Variants in METTL5 observed in about 807,000 individuals in gnomAD.
The protein encoded by METTL5 is rRNA N(6)-adenosine-methyltransferase METTL5.
METTL5 carries 28 observed loss-of-function variants against 26.5 expected under a neutral mutation model. That is an observed-to-expected ratio of 1.06 (90% CI 0.78 to 1.45). The LOEUF (loss-of-function observed/expected upper bound fraction) is 1.45, where lower values mean the gene tolerates loss of function less well. Ranked by LOEUF, METTL5 falls within the 40% of genes most tolerant of loss-of-function variation. The probability of loss-of-function intolerance (pLI) is 0.00; values close to 1 mark genes in which losing one functional copy is unlikely to be tolerated. For missense variants in METTL5, 231 were observed against 249.9 expected (o/e 0.92, Z 0.51); for synonymous variants, 86 against 82.6 (o/e 1.04, Z -0.22).
chr2:169,812,787 G>A (rs1425177688), intron 5 of METTL5: 4 of 279,128 alleles, frequency 1.4e-5, no homozygotes, highest in Non-Finnish European at 2.6e-5. Context: ...CTATGAAAAT[G>A]ATGGTACCTT....
At position 169,824,339 on chromosome 2, in the gene METTL5, A is replaced by G. The variant is rs543073201; in HGVS notation, c.109+150T>C. The G allele has an allele frequency of 2.7e-5, 17 of 633,260 alleles. No homozygotes were observed. The African/African-American group carries it at 2.9e-4, about 11-fold the overall frequency. 39.2% of individuals were successfully genotyped at this position (633,260 alleles called of 1,614,324 possible). On this transcript the variant is annotated intron_variant, in intron 1 of 6. Coordinates refer to ENST00000260953, the MANE Select transcript of METTL5 (RefSeq NM_014168.4). ...CTGTGGAGGGTGTGCCTTGAGCTGC[A>G]GTGTCAAGGAAGGCCTCTCTAACGC... is the stretch of plus-strand genomic sequence containing the variant.
chr2:169,814,811 G>A (rs1256310439), intron 5 of METTL5, among the ~76,000 whole-genome samples: 2 of 151,790 alleles, frequency 1.3e-5, no homozygotes, highest in Non-Finnish European at 1.5e-5. Flanking sequence ...TCCTGACCTC[G>A]TGATCCGCCT....
chr2:169,820,215 C>T (rs1442882143), intron 3 of METTL5, among the ~76,000 whole-genome samples: 1 of 152,128 alleles, frequency 6.6e-6, no homozygotes, highest in Non-Finnish European at 1.5e-5. Context: ...CCTCAGCCTC[C>T]AAAGTGCTGG....
At chr2:169,820,044 G>A (rs1437335709) in intron 3 of METTL5, among the ~76,000 whole-genome samples, 1 of 151,280 alleles carries the variant, frequency 6.6e-6, no homozygotes, top group Non-Finnish European at 1.5e-5. Context: ...CGCAACCTCC[G>A]CCTCCCGGAT....
chr2:169,812,750 G>C (rs1051440813), intron 5 of METTL5: 8 of 374,728 alleles, frequency 2.1e-5, no homozygotes, highest in South Asian at 5.4e-5. Context: ...AGTTTAGAAG[G>C]ATAAACAGTG....
intron 4 of METTL5, among the ~76,000 whole-genome samples, chr2:169,818,222 A>G (rs1001168861): frequency 4.6e-5 from 7 of 152,198 alleles, no homozygotes; most frequent in East Asian, 1.9e-4. Flanking sequence ...CTGGTTGGCA[A>G]TGTTTCACAT....
At chr2:169,812,241 C>CTTTT in intron 6 of METTL5, 2 of 675,190 alleles carry the variant, frequency 3.0e-6, no homozygotes, top group Non-Finnish European at 4.8e-6. Flanking sequence ...CAAAGCTTTC[C>CTTTT]TTTTTTTTTC....
chr2:169,820,885 T>TTGTGTGTG (rs3049450), intron 3 of METTL5, among the ~76,000 whole-genome samples: 4 of 147,880 alleles, frequency 2.7e-5, no homozygotes, highest in Non-Finnish European at 4.5e-5. Context: ...AAATTAAAAT[T>TTGTGTGTG]TGTGTGTGTG....
rs771318766 is a variant in METTL5 at position 169,821,938 on chromosome 2, C to T, written c.224+5G>A. On this transcript the variant is annotated splice_donor_5th_base_variant and intron_variant, in intron 2 of 6. Transcript: ENST00000260953. ...TACCCAAATAGCATATATTGCATTA[C>T]GTACCCTGCTCCTAACATTGCAGTT... The T allele has an allele frequency of 5.6e-6, 9 of 1,612,148 alleles. No individual in the cohort carries two copies. In the African/African-American group the frequency reaches 6.7e-5, roughly 12 times the overall value.
At chr2:169,817,609 G>A (rs140503596) in intron 4 of METTL5, among the ~76,000 whole-genome samples, 1,960 of 152,032 alleles carry the variant, frequency 0.013, 59 homozygotes, top group African/African-American at 0.044. Flanking sequence ...CCATAAAAAA[G>A]GATGAGTTCA....
Position 169,821,282 on chromosome 2 carries a change from A to T in METTL5, c.225-9T>A. 1.3e-6 allele frequency: 2 copies of T among 1,578,312 alleles called. No homozygotes were observed. The highest frequency in any genetic ancestry group is 1.7e-6 in the Non-Finnish European group (2 of 1,164,976). On this transcript the variant is annotated splice_polypyrimidine_tract_variant and intron_variant, in intron 2 of 6. Transcript: ENST00000260953. ...CAAATCCAACACACAACCTATAAAT[A>T]CAAAACACATACAAAGAGTGGCGAC...
chr2:169,818,052 ACTCCCTT>A (rs145584477), intron 4 of METTL5, among the ~76,000 whole-genome samples: 1,851 of 151,922 alleles, frequency 0.012, 15 homozygotes, highest in Non-Finnish European at 0.018. Flanking sequence ...CCCACTCCCT[ACTCCCTT>A]AATAATAGTG....
At chr2:169,815,834 AGC>A (rs1370661722) in intron 4 of METTL5, among the ~76,000 whole-genome samples, 1 of 152,234 alleles carries the variant, frequency 6.6e-6, no homozygotes, top group African/African-American at 2.4e-5. Flanking sequence ...TTATAAATGG[AGC>A]TGAAAAATTG....
intron 3 of METTL5, among the ~76,000 whole-genome samples, chr2:169,820,653 T>G (rs375568446): frequency 6.6e-6 from 1 of 152,232 alleles, no homozygotes; most frequent in Non-Finnish European, 1.5e-5. Context: ...CACTTAGCCT[T>G]GGTTTATTTA....
In METTL5 at chr2:169,821,204, C is replaced by T; in HGVS notation, c.294G>A (p.Glu98=). Residue 98 remains glutamate, a synonymous_variant, in exon 3 of 7, where the codon GAG becomes GAA. Coordinates refer to ENST00000260953, the MANE Select transcript of METTL5 (RefSeq NM_014168.4). ...ATTGAACCATGTCAATATTTGTTAACTCAAACTCTTCTGCATTCCTATTAA... is the reference window on the plus strand; with the variant it reads ...ATTGAACCATGTCAATATTTGTTAATTCAAACTCTTCTGCATTCCTATTAA... ...EIFNRNAEEF[E]LTNIDMVQCD... is the part of the protein sequence containing the mutation. 6.2e-7 allele frequency: 1 copy of T among 1,612,720 alleles called. No individual in the cohort carries two copies. The highest frequency in any genetic ancestry group is 8.5e-7 in the Non-Finnish European group (1 of 1,179,268).
At chr2:169,818,534 A>G (rs918455642) in intron 4 of METTL5, among the ~76,000 whole-genome samples, 3 of 152,132 alleles carry the variant, frequency 2.0e-5, no homozygotes, top group Non-Finnish European at 4.4e-5. Flanking sequence ...TTTATTTACT[A>G]GCTATGTTGT....
intron 3 of METTL5, 81 bp downstream of exon 3, chr2:169,821,011 T>C: frequency 1.7e-6 from 2 of 1,195,470 alleles, no homozygotes; most frequent in East Asian, 2.5e-5. Flanking sequence ...ATTACACGCC[T>C]GAGCCACTGC....
chr2:169,817,825 T>G lies in METTL5; in HGVS notation c.489+1736A>C, dbSNP rs2081530683. Among the ~76,000 whole-genome samples, 6 of 152,100 alleles carry G rather than the reference T, an allele frequency of 3.9e-5. No homozygotes were observed. The South Asian group carries it at 1.2e-3, about 32-fold the overall frequency. ...GAAATACCTAATGTAAATGACAAGT[T>G]GATGGGTGCAGCAAACCAACATGGC... is the stretch of plus-strand genomic sequence containing the variant. On this transcript the variant is annotated intron_variant, in intron 4 of 6. Transcript: ENST00000260953.
chr2:169,822,987 T>G (rs1006245982), intron 1 of METTL5, among the ~76,000 whole-genome samples: 1 of 152,042 alleles, frequency 6.6e-6, no homozygotes, highest in African/African-American at 2.4e-5. Flanking sequence ...CCAGAAGTTT[T>G]TTGTTGTTTT....
Sources: gnomAD v4.1 joint callset for allele counts (sites outside exome capture counted in the v4.1 genomes callset) on GRCh38, gnomAD v4.1.1 for gene constraint, MANE v1.5 for transcripts, NCBI Gene and HGNC (gene_info 2026-07-23, HGNC 2026-07-21) for gene names.